ANKRD28: variants seen among roughly 807,000 people sequenced by gnomAD.
The protein encoded by ANKRD28 is serine/threonine-protein phosphatase 6 regulatory ankyrin repeat subunit A.
ANKRD28 carries 44 observed loss-of-function variants against 126.5 expected under a neutral mutation model. That is an observed-to-expected ratio of 0.35 (90% CI 0.27 to 0.45). ANKRD28 has a LOEUF of 0.45. ANKRD28 is among the 20% of genes least tolerant of loss of function. The pLI, the probability that ANKRD28 is intolerant of heterozygous loss-of-function variation, is 1.00. For missense variants in ANKRD28, 1,110 were observed against 1,316.6 expected (o/e 0.84, Z 2.43); for synonymous variants, 442 against 468.5 (o/e 0.94, Z 0.73).
At chr3:15,696,282 A>G in intron 14 of ANKRD28, 37 bp from the exon 15 acceptor site, 1 of 1,297,368 alleles carries the variant, frequency 7.7e-7, no homozygotes, top group Non-Finnish European at 1.1e-6. Flanking sequence ...AAAATCCTAA[A>G]TCCTGCATAT....
rs146067387 is a variant in ANKRD28 at position 15,772,790 on chromosome 3, G to T, written c.202-6478C>A. 4.3e-3 allele frequency among the ~76,000 whole-genome samples: 647 copies of T among 152,202 alleles called. 5 individuals carry two copies. The highest frequency in any genetic ancestry group is 0.02 in the East Asian group (101 of 5,174). ...CAACCTCCACCTCCCGGGTTCAAGC[G>T]ATTCTCCTGCCTCAGCCTCCTGAGT... On this transcript the variant is annotated intron_variant, in intron 2 of 27. Transcript: ENST00000683139.
At position 15,760,206 on chromosome 3, in the gene ANKRD28, G is replaced by A. The variant is rs535447337; in HGVS notation, c.280+6028C>T. Among the ~76,000 whole-genome samples, 3 of 152,292 alleles carry A rather than the reference G, an allele frequency of 2.0e-5. No homozygotes were observed. The South Asian group carries it at 6.2e-4, about 32-fold the overall frequency. On this transcript the variant is annotated intron_variant, in intron 3 of 27. Transcript: ENST00000683139. ...GGGCCTATCAGAGGGTGGACGATAA[G>A]AGGAGAGAGAGGTTCAGGAAAAATA...
At chr3:15,674,179 A>AG (rs2066683249) in intron 27 of ANKRD28, among the ~76,000 whole-genome samples, 1 of 146,660 alleles carries the variant, frequency 6.8e-6, no homozygotes, top group Admixed American at 6.8e-5. Context: ...CTCTTCAAAA[A>AG]AAAAAAAAAA....
intron 3 of ANKRD28, among the ~76,000 whole-genome samples, chr3:15,765,904 C>A (rs1387985011): frequency 1.3e-5 from 2 of 151,378 alleles, no homozygotes; most frequent in African/African-American, 4.9e-5. Flanking sequence ...CTTATCCCAC[C>A]CCGATTATCC....
intron 3 of ANKRD28, among the ~76,000 whole-genome samples, chr3:15,763,170 A>G (rs986759694): frequency 2.0e-5 from 3 of 152,216 alleles, no homozygotes; most frequent in Admixed American, 2.0e-4. Flanking sequence ...CCTAAATTAG[A>G]GCCTAACTGG....
intron 2 of ANKRD28, among the ~76,000 whole-genome samples, chr3:15,775,989 C>T (rs111285264): frequency 6.6e-6 from 1 of 152,256 alleles, no homozygotes; most frequent in East Asian, 1.9e-4. Flanking sequence ...GACAAGCCCT[C>T]ATCTTTAAGC....
In ANKRD28 at chr3:15,670,153, G is replaced by T; in HGVS notation, c.*117C>A. On this transcript the variant is annotated 3_prime_UTR_variant, in exon 28 of 28. Transcript: ENST00000683139. ...TAATGCCATCAGATCTCTTAACATT[G>T]GCTCACTGTGGGATCTTTCCTCTTA... 8.7e-7 allele frequency: 1 copy of T among 1,146,940 alleles called. No individual in the cohort carries two copies. Among genetic ancestry groups the T allele is most frequent in the Non-Finnish European group, 1.2e-6 (1 of 819,334 alleles). The allele number at this position is 1,146,940 out of a possible 1,614,324, so 71.0% of individuals were successfully genotyped here.
chr3:15,745,188 A>T (rs2057395149), intron 4 of ANKRD28, among the ~76,000 whole-genome samples: 1 of 152,068 alleles, frequency 6.6e-6, no homozygotes, highest in Admixed American at 6.6e-5. Context: ...GTGAGTTGTT[A>T]ATGCTGCTGA....
chr3:15,841,196 A>T (rs1382004793), intron 1 of ANKRD28, among the ~76,000 whole-genome samples: 1 of 152,194 alleles, frequency 6.6e-6, no homozygotes, highest in Non-Finnish European at 1.5e-5. Context: ...AAATCAAATC[A>T]AGATGGATTA....
intron 14 of ANKRD28, among the ~76,000 whole-genome samples, chr3:15,702,895 T>C (rs935802419): frequency 6.6e-6 from 1 of 151,428 alleles, no homozygotes; most frequent in Non-Finnish European, 1.5e-5. Flanking sequence ...TTAGGATACG[T>C]CAGAACTGTT....
chr3:15,810,530 GA>G (rs1055755962), intron 1 of ANKRD28, among the ~76,000 whole-genome samples: 1 of 146,948 alleles, frequency 6.8e-6, no homozygotes, highest in African/African-American at 2.7e-5. Flanking sequence ...AATCTTTAAA[GA>G]ATTTCTAAAA....
chr3:15,784,924 C>T (rs558558555), intron 2 of ANKRD28, among the ~76,000 whole-genome samples: 5 of 152,074 alleles, frequency 3.3e-5, no homozygotes, highest in South Asian at 4.1e-4. Context: ...GGAACTCTGT[C>T]ATATAATGAA....
chr3:15,679,903 C>CCCTAAATA (rs748498727), intron 21 of ANKRD28, among the ~76,000 whole-genome samples: 6,128 of 151,552 alleles, frequency 0.04, 410 homozygotes, highest in African/African-American at 0.14. Context: ...ATACAGCATA[C>CCCTAAATA]CAATTATTTA....
intron 7 of ANKRD28, among the ~76,000 whole-genome samples, chr3:15,722,921 C>G (rs2455842): frequency 0.72 from 108,556 of 151,540 alleles, 39,064 homozygotes; most frequent in East Asian, 0.93. Context: ...TAATTCTCTA[C>G]GAAACTAAAA....
intron 6 of ANKRD28, among the ~76,000 whole-genome samples, chr3:15,731,384 G>A (rs190390278): frequency 3.3e-5 from 5 of 152,262 alleles, no homozygotes; most frequent in African/African-American, 7.2e-5. Flanking sequence ...GCCTCTTAAC[G>A]TAAGATGTAC....
At chr3:15,834,756 A>T (rs182882094) in intron 1 of ANKRD28, among the ~76,000 whole-genome samples, 2 of 152,228 alleles carry the variant, frequency 1.3e-5, no homozygotes, top group Non-Finnish European at 2.9e-5. Context: ...AAAGCTATTT[A>T]TACATTTATA....
At chr3:15,743,319 C>T (rs548366487) in intron 4 of ANKRD28, among the ~76,000 whole-genome samples, 24 of 152,124 alleles carry the variant, frequency 1.6e-4, no homozygotes, top group Middle Eastern at 6.8e-3. Context: ...CCTGCCAAAT[C>T]CCCCTCTGTG....
intron 1 of ANKRD28, among the ~76,000 whole-genome samples, chr3:15,852,137 C>T (rs747395177): frequency 1.3e-5 from 2 of 152,002 alleles, no homozygotes; most frequent in Non-Finnish European, 2.9e-5. Context: ...GGTACTTGCA[C>T]AGTTTTGTGA....
At chr3:15,810,197 G>A (rs77466254) in intron 1 of ANKRD28, among the ~76,000 whole-genome samples, 3,773 of 152,164 alleles carry the variant, frequency 0.025, 164 homozygotes, top group African/African-American at 0.084. Flanking sequence ...AAAACAGTCA[G>A]TAGGCTATCA....
Sources: allele counts gnomAD v4.1 joint callset (sites outside exome capture counted in the v4.1 genomes callset), GRCh38; gene constraint gnomAD v4.1.1; transcripts MANE v1.5; gene names NCBI Gene and HGNC (gene_info 2026-07-23, HGNC 2026-07-21).